HDAC4: variants seen among roughly 807,000 people sequenced by gnomAD.
HDAC4 encodes histone deacetylase 4.
HDAC4 carries 16 observed loss-of-function variants against 135.1 expected under a neutral mutation model. The observed-to-expected ratio is 0.12, with a 90% CI of 0.08 to 0.18. The LOEUF is 0.18. Among genes scored for constraint, HDAC4 ranks in the 10% least tolerant of loss-of-function variants. The pLI is 1.00. For synonymous variants in HDAC4, 685 were observed against 653.4 expected, an observed-to-expected ratio of 1.05 and a Z score of -0.74; for missense variants, 1,143 against 1,511.8, an observed-to-expected ratio of 0.76 and a Z score of 4.05.
At chr2:239,372,605 C>T (rs1189848709) in intron 1 of HDAC4, among the ~76,000 whole-genome samples, 1 of 152,268 alleles carries the variant, frequency 6.6e-6, no homozygotes, top group South Asian at 2.1e-4. Flanking sequence ...ACCAGGAGCT[C>T]TGGTCCCCTC....
intron 2 of HDAC4, among the ~76,000 whole-genome samples, chr2:239,267,556 A>T (rs1370905655): frequency 6.6e-6 from 1 of 152,274 alleles, no homozygotes; most frequent in African/African-American, 2.4e-5. Flanking sequence ...AGTTGTACAC[A>T]CAAGAAACTA....
Position 239,360,157 on chromosome 2 carries a change from G to A in HDAC4, c.-219-7239C>T, listed in dbSNP as rs1231282923. Among the ~76,000 whole-genome samples the A allele has an allele frequency of 5.3e-5, 8 of 152,302 alleles. 1 individual carries two copies. Among genetic ancestry groups the A allele is most frequent in the Middle Eastern group, 6.8e-3 (2 of 294 alleles). On this transcript the variant is annotated intron_variant, in intron 1 of 26. Transcript: ENST00000543185. ...TGTCCAACCACACCTGATGGCCTGC[G>A]CTGAGCCACAGCCCTTGACCAGGGA...
intron 11 of HDAC4, among the ~76,000 whole-genome samples, chr2:239,129,014 C>G (rs1400980139): frequency 6.6e-6 from 1 of 152,232 alleles, no homozygotes; most frequent in African/African-American, 2.4e-5. Context: ...CACGGGGACA[C>G]AAGCCTACGC....
At chr2:239,392,818 T>C (rs1485631659) in intron 1 of HDAC4, among the ~76,000 whole-genome samples, 2 of 152,182 alleles carry the variant, frequency 1.3e-5, no homozygotes, top group Non-Finnish European at 2.9e-5. Flanking sequence ...TTTCTGCCAC[T>C]TGACTTACAT....
At position 239,082,547 on chromosome 2, in the gene HDAC4, G is replaced by A. The variant is rs62189542; in HGVS notation, c.2533-326C>T. On this transcript the variant is annotated intron_variant, in intron 20 of 26. Transcript: ENST00000543185. ...CAGGCCTAGAGGCCACCATTTCCCA[G>A]ACGAAGCCATCTGATCAATTTCCTA... Among the ~76,000 whole-genome samples the A allele has an allele frequency of 0.059, 9,011 of 152,352 alleles. 346 individuals are homozygous for A. The highest frequency in any genetic ancestry group is 0.083 in the Non-Finnish European group (5,673 of 68,030).
In HDAC4 at chr2:239,115,456, C is replaced by A; in HGVS notation, c.1534-146G>T. ...TATCACCCTGCCACAGGCCAGCAGG[C>A]ACCTTTATCTCCCAACAGGCACTGG... is the stretch of plus-strand genomic sequence containing the variant. On this transcript the variant is annotated intron_variant, in intron 12 of 26. Coordinates refer to ENST00000543185, the MANE Select transcript of HDAC4 (RefSeq NM_001378414.1). This position sits in a 1 kb window ranked among gnomAD's most constrained non-coding sequence, Gnocchi z 6.3. 1.0e-6 allele frequency: 1 copy of A among 973,796 alleles called. No individual in the cohort carries two copies. 60.3% of individuals were successfully genotyped at this position (973,796 alleles called of 1,614,324 possible). A position where few individuals can be genotyped will look rare whatever the true frequency, so the allele number is the denominator to read the frequency against.
chr2:239,088,487 C>T (rs567966053), intron 18 of HDAC4, among the ~76,000 whole-genome samples: 1 of 152,358 alleles, frequency 6.6e-6, no homozygotes, highest in African/African-American at 2.4e-5. Context: ...CTGCAGACCC[C>T]TCGGTCCCGA....
intron 5 of HDAC4, among the ~76,000 whole-genome samples, chr2:239,164,303 G>C (rs1314379736): frequency 6.6e-6 from 1 of 152,234 alleles, no homozygotes; most frequent in Non-Finnish European, 1.5e-5. Flanking sequence ...AAGAGAGAAG[G>C]CTTTGTGCAA....
chr2:239,080,880 C>T (rs2035248975), intron 22 of HDAC4: 5 of 583,340 alleles, frequency 8.6e-6, no homozygotes, highest in Non-Finnish European at 1.5e-5. Context: ...ATTTCATGCA[C>T]AAAAGGGAGC....
At chr2:239,286,190 A>T (rs1408345553) in intron 2 of HDAC4, among the ~76,000 whole-genome samples, 1 of 152,240 alleles carries the variant, frequency 6.6e-6, no homozygotes, top group Non-Finnish European at 1.5e-5. Flanking sequence ...TTAAGTAATG[A>T]ATCAGAGGAA....
At position 239,349,058 on chromosome 2, in the gene HDAC4, G is replaced by A. The variant is rs1205308483; in HGVS notation, c.22+3620C>T. Among the ~76,000 whole-genome samples the A allele has an allele frequency of 8.5e-5, 13 of 152,314 alleles. No homozygotes were observed. The highest frequency in any genetic ancestry group is 2.9e-5 in the Non-Finnish European group (2 of 68,020). ...CAAATGTGAGAGGGGGCCCATGGGC[G>A]GCTGGACTCCCCCAGCCCGGCCTGC... On this transcript the variant is annotated intron_variant, in intron 2 of 26. Coordinates refer to ENST00000543185, the MANE Select transcript of HDAC4 (RefSeq NM_001378414.1). This position sits in a 1 kb window ranked among gnomAD's most constrained non-coding sequence, Gnocchi z 5.7.
At position 239,144,644 on chromosome 2, in the gene HDAC4, C is replaced by T. The variant is rs1331059181; in HGVS notation, c.804G>A (p.Leu268=). 1.9e-6 allele frequency: 3 copies of T among 1,614,238 alleles called. No individual in the cohort carries two copies. Among genetic ancestry groups the T allele is most frequent in the East Asian group, 2.2e-5 (1 of 44,886 alleles). Residue 268 remains leucine, a synonymous_variant, in exon 8 of 27, where the codon CTG becomes CTA. Coordinates refer to ENST00000543185, the MANE Select transcript of HDAC4 (RefSeq NM_001378414.1). ...QKVAERRSSP[L]LRRKDGPVVT... is the part of the protein sequence containing the mutation. ...CCACTGGCCCGTCTTTCCTGCGTAA[C>T]AGGGGGCTGCTCCGTCTTTCGGCCA...
At chr2:239,376,535 A>C (rs1020383741) in intron 1 of HDAC4, among the ~76,000 whole-genome samples, 3 of 152,238 alleles carry the variant, frequency 2.0e-5, no homozygotes, top group African/African-American at 7.2e-5. Flanking sequence ...CCTGGCCCGA[A>C]GGCACGTGTC....
Position 239,352,507 on chromosome 2 carries a change from A to G in HDAC4, c.22+171T>C, listed in dbSNP as rs547413076. ...GTTTTATCATTCTTCTTTCACCAAG[A>G]GGAAGAATAAACCATCCATTTTGCA... On this transcript the variant is annotated intron_variant, in intron 2 of 26. Coordinates refer to ENST00000543185, the MANE Select transcript of HDAC4 (RefSeq NM_001378414.1). The surrounding 1 kb of genome is among the most constrained non-coding windows in gnomAD (Gnocchi z 4.4). Among the ~76,000 whole-genome samples, 250 of 152,326 alleles carry G rather than the reference A, an allele frequency of 1.6e-3. 1 individual carries two copies. The highest frequency in any genetic ancestry group is 5.5e-3 in the African/African-American group (227 of 41,570).
intron 21 of HDAC4, 67 bp from the exon 22 acceptor site, chr2:239,081,259 G>A: frequency 7.4e-7 from 1 of 1,352,708 alleles, no homozygotes; most frequent in Non-Finnish European, 1.0e-6. Context: ...AGGAACGCCT[G>A]ATGCAGGTGG....
At chr2:239,098,717 AT>A (rs1311062347) in intron 16 of HDAC4, among the ~76,000 whole-genome samples, 1 of 152,242 alleles carries the variant, frequency 6.6e-6, no homozygotes, top group Non-Finnish European at 1.5e-5. Context: ...AAGAAAAAAA[AT>A]CACACAGTAG....
chr2:239,158,219 C>T (rs1189199027), intron 6 of HDAC4, among the ~76,000 whole-genome samples: 1 of 152,174 alleles, frequency 6.6e-6, no homozygotes, highest in Non-Finnish European at 1.5e-5. Flanking sequence ...ATAGTATTTT[C>T]AGATTGTATC....
At chr2:239,340,127 G>T (rs1302128120) in intron 2 of HDAC4, among the ~76,000 whole-genome samples, 1 of 152,154 alleles carries the variant, frequency 6.6e-6, no homozygotes, top group Non-Finnish European at 1.5e-5. Context: ...ATGGGGTCCT[G>T]CTGGTGCTGC....
intron 24 of HDAC4, among the ~76,000 whole-genome samples, chr2:239,063,995 C>T (rs955174492): frequency 3.3e-5 from 5 of 152,232 alleles, no homozygotes; most frequent in East Asian, 1.9e-4. Context: ...TGAGCCCTGC[C>T]GATCATCTGC....
Sources: gnomAD v4.1 joint callset for allele counts (sites outside exome capture counted in the v4.1 genomes callset) on GRCh38, gnomAD v4.1.1 for gene constraint, Gnocchi (gnomAD v3.1) non-coding constraint, MANE v1.5 for transcripts, NCBI Gene and HGNC (gene_info 2026-07-23, HGNC 2026-07-21) for gene names.